Variants in ABCB4 observed in about 807,000 individuals in gnomAD.
ABCB4 encodes the protein ATP binding cassette subfamily B member 4.
A neutral mutation model predicts 145.7 loss-of-function variants in ABCB4; 76 were observed. The observed-to-expected ratio is 0.52, with a 90% CI of 0.43 to 0.63. ABCB4 has a LOEUF of 0.63. Among genes scored for constraint, ABCB4 ranks in the 30% least tolerant of loss-of-function variants. ABCB4 has a pLI of 0.00. For synonymous variants in ABCB4, 517 were observed against 566.8 expected (o/e 0.91, Z 1.25); for missense variants, 1,234 against 1,553.1 (o/e 0.79, Z 3.45).
chr7:87,457,234 C>T lies in ABCB4; in HGVS notation c.287-2642G>A, dbSNP rs535575891. On this transcript the variant is annotated intron_variant, in intron 4 of 27. Coordinates refer to ENST00000649586, the MANE Select transcript of ABCB4 (RefSeq NM_000443.4). ...AGGAGTTTGAGACCAGCCTGGGCAA[C>T]GTGGTGAAATCCACCTTTACAAAAA... is the stretch of plus-strand genomic sequence containing the variant. 1.3e-3 allele frequency among the ~76,000 whole-genome samples: 193 copies of T among 152,132 alleles called. 1 individual carries two copies. Among genetic ancestry groups the T allele is most frequent in the Admixed American group, 2.1e-3 (32 of 15,282 alleles).
intron 21 of ABCB4, among the ~76,000 whole-genome samples, chr7:87,414,022 A>G (rs745999707): frequency 3.0e-4 from 46 of 152,232 alleles, no homozygotes; most frequent in Non-Finnish European, 5.7e-4. Context: ...CCAGGCAGTT[A>G]CATGACTGGC....
the ABCB4 span, among the ~76,000 whole-genome samples, chr7:87,396,571 G>T: frequency 1.3e-5 from 2 of 151,938 alleles, no homozygotes; most frequent in African/African-American, 4.8e-5. Context: ...CAAAAAGATA[G>T]AAATTACAAT....
chr7:87,382,324 ATTACT>A, the ABCB4 span: 1 of 1,456,142 alleles, frequency 6.9e-7, no homozygotes, highest in Non-Finnish European at 9.4e-7. Context: ...ATGTCTGGTG[ATTACT>A]TTAATGCAGG....
At chr7:87,370,093 CT>C in the ABCB4 span, among the ~76,000 whole-genome samples, 2 of 152,046 alleles carry the variant, frequency 1.3e-5, no homozygotes, top group South Asian at 4.1e-4. Flanking sequence ...ACATAATATC[CT>C]TTCACTATAG....
At chr7:87,457,918 G>T (rs1812205045) in intron 4 of ABCB4, among the ~76,000 whole-genome samples, 1 of 152,088 alleles carries the variant, frequency 6.6e-6, no homozygotes, top group African/African-American at 2.4e-5. Flanking sequence ...AGAAAGAGAG[G>T]TATCCATCAC....
chr7:87,468,960 T>G (rs1438297453), intron 3 of ABCB4, among the ~76,000 whole-genome samples: 1 of 150,654 alleles, frequency 6.6e-6, no homozygotes, highest in Non-Finnish European at 1.5e-5. Flanking sequence ...TAAAATAAAA[T>G]AAAATAAAAT....
the ABCB4 span, among the ~76,000 whole-genome samples, chr7:87,393,302 C>T: frequency 1.3e-5 from 2 of 152,012 alleles, no homozygotes; most frequent in East Asian, 3.9e-4. Context: ...TGTTTCAAGT[C>T]GATTCGGCAA....
chr7:87,418,918 C>T (rs1318465424), intron 19 of ABCB4, among the ~76,000 whole-genome samples: 1 of 152,178 alleles, frequency 6.6e-6, no homozygotes, highest in Non-Finnish European at 1.5e-5. Context: ...ATTCCATTCA[C>T]CCAATCATCA....
At chr7:87,475,588 G>A (rs1028525733) in intron 1 of ABCB4, 46 bp downstream of exon 1, 29 of 992,286 alleles carry the variant, frequency 2.9e-5, no homozygotes, top group Middle Eastern at 3.0e-4. Context: ...CGCGCCCCAC[G>A]TCCCGGGTCT....
chr7:87,455,823 G>A (rs374143556), intron 4 of ABCB4, among the ~76,000 whole-genome samples: 3 of 151,252 alleles, frequency 2.0e-5, no homozygotes, highest in Admixed American at 6.6e-5. Context: ...TGTTTTCGTG[G>A]TGCTGTGTAT....
chr7:87,415,509 T>G (rs1808909893), intron 21 of ABCB4, among the ~76,000 whole-genome samples: 2 of 152,172 alleles, frequency 1.3e-5, no homozygotes, highest in South Asian at 4.1e-4. Context: ...ATCTTTCATA[T>G]TTCATAACCC....
chr7:87,467,201 GAAGATCTACC>G (rs1236476917), intron 3 of ABCB4, among the ~76,000 whole-genome samples: 1 of 152,136 alleles, frequency 6.6e-6, no homozygotes, highest in Non-Finnish European at 1.5e-5. Context: ...AGGGATGGAG[GAAGATCTACC>G]AAGCAAATGG....
At position 87,462,918 on chromosome 7, in the gene ABCB4, G is replaced by C. The variant is rs1298916378; in HGVS notation, c.136-10C>G. 1 of 1,611,758 alleles carries C rather than the reference G, an allele frequency of 6.2e-7. No homozygotes were observed. The highest frequency in any genetic ancestry group is 8.5e-7 in the Non-Finnish European group (1 of 1,178,228). ...AATCGGAGTATCGAAACTAAAAAAAGGAAATAAAATAATACTTAGCTGTGG... is the reference window on the plus strand; with the variant it reads ...AATCGGAGTATCGAAACTAAAAAAACGAAATAAAATAATACTTAGCTGTGG... On this transcript the variant is annotated splice_polypyrimidine_tract_variant and intron_variant, in intron 3 of 27. Transcript: ENST00000649586.
chr7:87,370,247 A>G, the ABCB4 span, among the ~76,000 whole-genome samples: 16 of 152,298 alleles, frequency 1.1e-4, no homozygotes, highest in East Asian at 3.9e-4. Context: ...CAGAGGCACA[A>G]TCTCGGCTCA....
At chr7:87,449,344 T>A (rs1375747367) in intron 8 of ABCB4, among the ~76,000 whole-genome samples, 1 of 152,104 alleles carries the variant, frequency 6.6e-6, no homozygotes, top group Non-Finnish European at 1.5e-5. Flanking sequence ...TAAAATAAAA[T>A]AAAAAATATT....
At chr7:87,421,005 G>C (rs1244471556) in intron 18 of ABCB4, among the ~76,000 whole-genome samples, 1 of 152,188 alleles carries the variant, frequency 6.6e-6, no homozygotes, top group African/African-American at 2.4e-5. Flanking sequence ...ATCCAAATGA[G>C]TATGCTGGTT....
intron 26 of ABCB4, among the ~76,000 whole-genome samples, chr7:87,405,406 G>A (rs1808110783): frequency 6.6e-6 from 1 of 151,310 alleles, no homozygotes; most frequent in South Asian, 2.1e-4. Context: ...GGATCTTTAT[G>A]GAGATGAGAA....
At chr7:87,474,694 C>T (rs781287135) in intron 2 of ABCB4, among the ~76,000 whole-genome samples, 32 of 152,158 alleles carry the variant, frequency 2.1e-4, no homozygotes, top group Non-Finnish European at 3.7e-4. Context: ...CAAAGACACA[C>T]GCCATTGACT....
Position 87,406,479 on chromosome 7 carries a change from C to T in ABCB4, c.3295G>A (p.Glu1099Lys), listed in dbSNP as rs763015853. The T allele has an allele frequency of 6.1e-5, 98 of 1,613,796 alleles. No individual in the cohort carries two copies. The highest frequency in any genetic ancestry group is 7.7e-5 in the Non-Finnish European group (91 of 1,179,980). Residue 1099 changes from glutamate (E) to lysine (K), a missense_variant, in exon 26 of 28, where the codon GAA becomes AAA. Physicochemically the swap from Glu to Lys is moderately conservative, Grantham distance 56. Around this residue, in one of 7 missense-constraint regions of ABCB4, gnomAD observed 301 missense variants for 389.0 expected, o/e 0.77. Transcript: ENST00000649586. The stretch of plus-strand genomic sequence containing the variant: ...CACTGGACATTGAGTTTCTTTGCTT[C>T]TTGACCATCGAGAAGCTGAAAACCA... ...LAGTVLLDGQ[E>K]AKKLNVQWLR...
Sources: gnomAD v4.1 joint callset for allele counts (sites outside exome capture counted in the v4.1 genomes callset) on GRCh38, gnomAD v4.1.1 for gene constraint, gnomAD v4.1.1 regional missense constraint, MANE v1.5 for transcripts, NCBI Gene and HGNC (gene_info 2026-07-23, HGNC 2026-07-21) for gene names.